PTPRN2: variants seen among roughly 807,000 people sequenced by gnomAD.
PTPRN2 encodes the protein protein tyrosine phosphatase receptor type N2, also known as receptor-type tyrosine-protein phosphatase N2.
Under a neutral mutation model 118.8 loss-of-function variants are expected in PTPRN2, and 74 were observed. That is an observed-to-expected ratio of 0.62 (90% CI 0.52 to 0.76). The LOEUF (loss-of-function observed/expected upper bound fraction) is 0.76, where lower values mean the gene tolerates loss of function less well. PTPRN2 is among the 30% of genes least tolerant of loss of function. PTPRN2 has a pLI of 0.00. For missense variants in PTPRN2, 1,481 were observed against 1,394.4 expected, an observed-to-expected ratio of 1.06 and a Z score of -0.99; for synonymous variants, 641 against 608.0, an observed-to-expected ratio of 1.05 and a Z score of -0.80.
intron 14 of PTPRN2, among the ~76,000 whole-genome samples, chr7:157,631,174 C>G (rs1458920208): frequency 6.6e-6 from 1 of 152,054 alleles, no homozygotes; most frequent in East Asian, 1.9e-4. Context: ...GCCTTGTTAC[C>G]AATCAAACTG....
intron 12 of PTPRN2, among the ~76,000 whole-genome samples, chr7:157,722,629 C>T (rs1328507774): frequency 2.0e-5 from 3 of 152,180 alleles, no homozygotes; most frequent in African/African-American, 7.2e-5. Flanking sequence ...CTGGGCGGCC[C>T]TCCATTCCTC....
chr7:157,763,289 C>T lies in PTPRN2; in HGVS notation c.1789-80352G>A, dbSNP rs1802256941. Among the ~76,000 whole-genome samples, 1 of 152,212 alleles carries T rather than the reference C, an allele frequency of 6.6e-6. No homozygotes were observed. The highest frequency in any genetic ancestry group is 1.5e-5 in the Non-Finnish European group (1 of 68,028). ...ATGACCTCTGGCGTGATGTGCCCTC[C>T]TCATTTTTCTCTCCCTTCCCTTTTC... On this transcript the variant is annotated intron_variant, in intron 12 of 22. Coordinates refer to ENST00000389418, the MANE Select transcript of PTPRN2 (RefSeq NM_002847.5). This position sits in a 1 kb window ranked among gnomAD's most constrained non-coding sequence, Gnocchi z 4.9.
rs1169156371 is a variant in PTPRN2 at position 157,908,210 on chromosome 7, G to A, written c.1724-9473C>T. On this transcript the variant is annotated intron_variant, in intron 11 of 22. Coordinates refer to ENST00000389418, the MANE Select transcript of PTPRN2 (RefSeq NM_002847.5). ...CCTGGCTCTTCCATCCATGGTGCCGGGCCCGGCCTGGGAGGGGCTGCACAG... is the reference window on the plus strand; with the variant it reads ...CCTGGCTCTTCCATCCATGGTGCCGAGCCCGGCCTGGGAGGGGCTGCACAG... 3.3e-5 allele frequency among the ~76,000 whole-genome samples: 5 copies of A among 152,254 alleles called. No homozygotes were observed. In the East Asian group the frequency reaches 9.7e-4, roughly 29 times the overall value.
At chr7:158,433,524 T>C (rs1816369490) in intron 2 of PTPRN2, among the ~76,000 whole-genome samples, 1 of 152,212 alleles carries the variant, frequency 6.6e-6, no homozygotes, top group Admixed American at 6.5e-5. Flanking sequence ...AGGCAAAAGC[T>C]GCTGATGATA....
At chr7:158,290,604 A>G (rs565087843) in intron 3 of PTPRN2, among the ~76,000 whole-genome samples, 1 of 152,290 alleles carries the variant, frequency 6.6e-6, no homozygotes, top group East Asian at 1.9e-4. Context: ...GTGGGGGATC[A>G]GGAGGCAGTT....
chr7:158,051,525 C>T (rs1809324207), intron 11 of PTPRN2, among the ~76,000 whole-genome samples: 1 of 152,178 alleles, frequency 6.6e-6, no homozygotes, highest in African/African-American at 2.4e-5. Context: ...AGGACAAAAG[C>T]AGGCCTTTTG....
At chr7:158,042,514 T>C (rs1304503886) in intron 11 of PTPRN2, among the ~76,000 whole-genome samples, 1 of 152,224 alleles carries the variant, frequency 6.6e-6, no homozygotes, top group Non-Finnish European at 1.5e-5. Flanking sequence ...CATGGAACTG[T>C]GAACTAATCC....
At position 157,705,292 on chromosome 7, in the gene PTPRN2, T is replaced by C. The variant is rs531415106; in HGVS notation, c.1789-22355A>G. Among the ~76,000 whole-genome samples the C allele has an allele frequency of 1.4e-4, 22 of 152,066 alleles. No homozygotes were observed. The Middle Eastern group carries it at 0.01, about 71-fold the overall frequency. ...CTGCACTCCAGCCTGGGTGACAGAG[T>C]GAGACTCCAAAACAAAACAAAACAC... On this transcript the variant is annotated intron_variant, in intron 12 of 22. Transcript: ENST00000389418.
chr7:157,901,204 G>A (rs1444710071), intron 11 of PTPRN2, among the ~76,000 whole-genome samples: 1 of 152,184 alleles, frequency 6.6e-6, no homozygotes, highest in African/African-American at 2.4e-5. Flanking sequence ...ACCCTGGGAG[G>A]GCATGAATCC....
chr7:158,259,105 G>A (rs138433417), intron 3 of PTPRN2, among the ~76,000 whole-genome samples: 1 of 152,312 alleles, frequency 6.6e-6, no homozygotes, highest in Non-Finnish European at 1.5e-5. Context: ...GCTGCCTGAT[G>A]CTGCAAACGT....
chr7:158,167,239 G>T lies in PTPRN2; in HGVS notation c.602C>A (p.Ala201Glu), dbSNP rs146528593. 4 of 1,612,728 alleles carry T rather than the reference G, an allele frequency of 2.5e-6. No individual in the cohort carries two copies. The African/African-American group carries it at 4.0e-5, about 16-fold the overall frequency. ...SILTYVAHTS[A>E]LTYPPGSRTQ... ...CCGGGACCCGGGAGGGTAGGTCAGC[G>T]CAGACGTGTGGGCCACATAGGTCAG... The change falls in exon 6 of 23, where the codon GCG becomes GAG. Residue 201 changes from alanine (A) to glutamate (E), a missense_variant. Physicochemically the swap from Ala to Glu is moderately radical, Grantham distance 107 (BLOSUM62 -1). Coordinates refer to ENST00000389418, the MANE Select transcript of PTPRN2 (RefSeq NM_002847.5).
rs1031149764 is a variant in PTPRN2 at position 157,585,385 on chromosome 7, C to T, written c.2497-7245G>A. 2.6e-5 allele frequency among the ~76,000 whole-genome samples: 4 copies of T among 152,160 alleles called. No individual in the cohort carries two copies. Among genetic ancestry groups the T allele is most frequent in the East Asian group, 1.9e-4 (1 of 5,188 alleles). On this transcript the variant is annotated intron_variant, in intron 17 of 22. Transcript: ENST00000389418. The surrounding 1 kb of genome is among the most constrained non-coding windows in gnomAD (Gnocchi z 5.2). Reference sequence around the variant, plus strand: ...CCACCAAAGTCGGGTCTGTGTTCTCCGGGAAGGACTCAGCCTGCTTGTGTG... The same window carrying T: ...CCACCAAAGTCGGGTCTGTGTTCTCTGGGAAGGACTCAGCCTGCTTGTGTG...
chr7:157,772,340 GACATACACACACAC>G (rs202023145), intron 12 of PTPRN2, among the ~76,000 whole-genome samples: 4 of 134,018 alleles, frequency 3.0e-5, no homozygotes, highest in South Asian at 4.5e-4. Context: ...CATACACACA[GACATACACACACAC>G]ACATACACAC....
chr7:158,103,599 A>G (rs1162540539), intron 10 of PTPRN2, among the ~76,000 whole-genome samples: 1 of 152,222 alleles, frequency 6.6e-6, no homozygotes, highest in Non-Finnish European at 1.5e-5. Context: ...TGGCAGTTCC[A>G]GAACCTTCTC....
At chr7:158,070,785 C>A (rs1330057900) in intron 11 of PTPRN2, among the ~76,000 whole-genome samples, 2 of 81,128 alleles carry the variant, frequency 2.5e-5, no homozygotes, top group African/African-American at 1.1e-4. Context: ...TGGAGGTGCC[C>A]GTGGTGGTGG....
chr7:158,205,105 T>C, intron 4 of PTPRN2, 66 bp downstream of exon 4: 1 of 1,285,208 alleles, frequency 7.8e-7, no homozygotes, highest in Non-Finnish European at 1.1e-6. Flanking sequence ...AACAAACAAA[T>C]AATAAGTGTA....
intron 2 of PTPRN2, among the ~76,000 whole-genome samples, chr7:158,421,864 T>C (rs1263613314): frequency 6.6e-6 from 1 of 152,224 alleles, no homozygotes; most frequent in Non-Finnish European, 1.5e-5. Context: ...TAATAAAGAA[T>C]TTTTATTAGC....
At chr7:157,604,226 G>A in intron 15 of PTPRN2, 151 bp from the exon 16 acceptor site, 2 of 692,122 alleles carry the variant, frequency 2.9e-6, no homozygotes, top group South Asian at 3.6e-5. Context: ...CTCCCAAACA[G>A]CCTCCAGGGC....
intron 12 of PTPRN2, among the ~76,000 whole-genome samples, chr7:157,853,440 G>A (rs1809441200): frequency 1.3e-5 from 2 of 152,112 alleles, no homozygotes; most frequent in South Asian, 4.1e-4. Flanking sequence ...GCCTCTGTCT[G>A]GCCCTCTCCC....
Sources: allele counts gnomAD v4.1 joint callset (sites outside exome capture counted in the v4.1 genomes callset), GRCh38; gene constraint gnomAD v4.1.1; non-coding constraint Gnocchi (gnomAD v3.1); transcripts MANE v1.5; gene names NCBI Gene and HGNC (gene_info 2026-07-23, HGNC 2026-07-21).